The following PCBP3 variants were observed in gnomAD, a reference collection of about 807,000 sequenced individuals.
PCBP3 encodes poly(rC) binding protein 3.
PCBP3 carries 25 observed loss-of-function variants against 52.7 expected under a neutral mutation model. The ratio of observed to expected loss-of-function variants is 0.47; its 90% confidence interval spans 0.35 to 0.66. The LOEUF (loss-of-function observed/expected upper bound fraction) is 0.66. PCBP3 is among the 30% of genes least tolerant of loss of function. The pLI is 0.01. For missense variants in PCBP3, 391 were observed against 490.3 expected (o/e 0.80, Z 1.91); for synonymous variants, 162 against 183.0 (o/e 0.89, Z 0.93).
At chr21:45,857,730 C>T (rs548396154) in intron 5 of PCBP3, among the ~76,000 whole-genome samples, 1 of 152,312 alleles carries the variant, frequency 6.6e-6, no homozygotes, top group East Asian at 1.9e-4. Context: ...TCACATTTGG[C>T]TCAGAGTAAA....
At chr21:45,753,033 C>T (rs1335316803) in intron 3 of PCBP3, 1 of 133,332 alleles carries the variant, frequency 7.5e-6, no homozygotes, top group Non-Finnish European at 1.5e-5. Flanking sequence ...CCTAGCTACT[C>T]AAGAGGATCC....
At chr21:45,868,349 G>T (rs2094838018) in intron 5 of PCBP3, among the ~76,000 whole-genome samples, 1 of 151,650 alleles carries the variant, frequency 6.6e-6, no homozygotes, top group South Asian at 2.1e-4. Flanking sequence ...CCCACATCCT[G>T]CTCTGCGCCG....
intron 9 of PCBP3, among the ~76,000 whole-genome samples, chr21:45,908,829 G>C (rs1192632325): frequency 9.9e-5 from 15 of 152,122 alleles, no homozygotes; most frequent in Non-Finnish European, 2.1e-4. Context: ...GTGGGCACAG[G>C]CCGCCCCCCA....
chr21:45,673,047 G>A (rs558777106), intron 2 of PCBP3, among the ~76,000 whole-genome samples: 2 of 152,302 alleles, frequency 1.3e-5, no homozygotes, highest in South Asian at 4.1e-4. Context: ...TTCACCAAAT[G>A]ACATGCACTG....
intron 2 of PCBP3, among the ~76,000 whole-genome samples, chr21:45,732,101 G>GA (rs930433283): frequency 4.6e-5 from 7 of 151,884 alleles, no homozygotes; most frequent in African/African-American, 1.2e-4. Context: ...TTGTTTGTTA[G>GA]AAAAAATCTT....
rs146965894 is a variant in PCBP3 at position 45,805,231 on chromosome 21, G to A, written c.-125-44730G>A. 1.2e-3 allele frequency among the ~76,000 whole-genome samples: 177 copies of A among 152,232 alleles called. No homozygotes were observed. The highest frequency in any genetic ancestry group is 1.4e-3 in the Non-Finnish European group (94 of 68,012). On this transcript the variant is annotated intron_variant, in intron 4 of 17. Coordinates refer to ENST00000681687, the MANE Select transcript of PCBP3 (RefSeq NM_001384156.1). The surrounding 1 kb of genome is among the most constrained non-coding windows in gnomAD (Gnocchi z 4.6). Reference sequence around the variant, plus strand: ...ATGGCAGGGTCTAAGGCTGTTCCCCGGAAGCCTACCTTCTATAGGAAGAGG... The same window carrying A: ...ATGGCAGGGTCTAAGGCTGTTCCCCAGAAGCCTACCTTCTATAGGAAGAGG...
At chr21:45,923,161 C>G (rs1291950707) in intron 13 of PCBP3, among the ~76,000 whole-genome samples, 1 of 152,214 alleles carries the variant, frequency 6.6e-6, no homozygotes, top group Non-Finnish European at 1.5e-5. Context: ...CAGATTGTTG[C>G]AGAGTGCTTT....
At chr21:45,909,900 A>G (rs866852047) in intron 10 of PCBP3, among the ~76,000 whole-genome samples, 209 of 48,474 alleles carry the variant, frequency 4.3e-3, no homozygotes, top group Non-Finnish European at 5.2e-3. Context: ...GCCCAGATAC[A>G]GACCCGGCCC....
chr21:45,780,188 C>T (rs985594942), intron 4 of PCBP3, among the ~76,000 whole-genome samples: 3 of 152,148 alleles, frequency 2.0e-5, no homozygotes, highest in Non-Finnish European at 2.9e-5. Context: ...TCTTTGTGAC[C>T]GTGTGATCTT....
At chr21:45,844,381 A>G (rs966643746) in intron 4 of PCBP3, among the ~76,000 whole-genome samples, 1 of 152,116 alleles carries the variant, frequency 6.6e-6, no homozygotes, top group African/African-American at 2.4e-5. Flanking sequence ...CCTGCCCTCC[A>G]GAGCCCTTCA....
At chr21:45,929,783 C>G (rs906294465) in intron 13 of PCBP3, 134 bp from the exon 14 acceptor site, 3 of 701,784 alleles carry the variant, frequency 4.3e-6, no homozygotes, top group Non-Finnish European at 7.7e-6. Context: ...CTTGCGTTCT[C>G]TTGCATCTGC....
intron 5 of PCBP3, chr21:45,854,100 G>A (rs910890246): frequency 2.0e-5 from 3 of 152,024 alleles, no homozygotes; most frequent in African/African-American, 7.3e-5. Flanking sequence ...GGAAGGGGTG[G>A]GATGAGGCCT....
At chr21:45,863,395 C>T (rs1188455309) in intron 5 of PCBP3, among the ~76,000 whole-genome samples, 1 of 152,264 alleles carries the variant, frequency 6.6e-6, no homozygotes, top group African/African-American at 2.4e-5. Flanking sequence ...TTTCTGCCCC[C>T]ACCCACCCCT....
At chr21:45,655,242 A>G (rs1253174059) in intron 1 of PCBP3, among the ~76,000 whole-genome samples, 1 of 152,068 alleles carries the variant, frequency 6.6e-6, no homozygotes, top group Non-Finnish European at 1.5e-5. Flanking sequence ...GCTGAGTCAT[A>G]CAGTAACTCT....
intron 4 of PCBP3, among the ~76,000 whole-genome samples, chr21:45,792,226 A>G (rs1429230137): frequency 6.6e-6 from 1 of 152,268 alleles, no homozygotes; most frequent in African/African-American, 2.4e-5. Context: ...GAGAAACAGT[A>G]GCTTGTCTCT....
chr21:45,926,071 G>A (rs1249133165), intron 13 of PCBP3, among the ~76,000 whole-genome samples: 3 of 152,300 alleles, frequency 2.0e-5, no homozygotes, highest in East Asian at 1.9e-4. Context: ...AATTGGAATC[G>A]TATCGACCAC....
chr21:45,766,020 A>G (rs139503811), intron 4 of PCBP3, among the ~76,000 whole-genome samples: 1 of 152,310 alleles, frequency 6.6e-6, no homozygotes, highest in East Asian at 1.9e-4. Flanking sequence ...TTAAATGTGG[A>G]AATGTTGGCA....
chr21:45,935,479 G>A, intron 16 of PCBP3, 174 bp downstream of exon 16: 1 of 699,190 alleles, frequency 1.4e-6, no homozygotes, highest in Non-Finnish European at 2.6e-6. Context: ...TGGGTTTAAT[G>A]CCCATAAAAA....
chr21:45,698,770 T>C (rs1603282587), intron 2 of PCBP3, among the ~76,000 whole-genome samples: 1 of 152,340 alleles, frequency 6.6e-6, no homozygotes, highest in East Asian at 1.9e-4. Context: ...AAGTTTCCCA[T>C]AATCAAGGAG....
Sources: allele counts gnomAD v4.1 joint callset (sites outside exome capture counted in the v4.1 genomes callset), GRCh38; gene constraint gnomAD v4.1.1; non-coding constraint Gnocchi (gnomAD v3.1); transcripts MANE v1.5; gene names NCBI Gene and HGNC (gene_info 2026-07-23, HGNC 2026-07-21).